The following DNAH7 variants were observed in gnomAD, a reference collection of about 807,000 sequenced individuals.
The protein encoded by DNAH7 is dynein axonemal heavy chain 7.
Under a neutral mutation model 444.6 loss-of-function variants are expected in DNAH7, and 397 were observed. That is an observed-to-expected ratio of 0.89 (90% CI 0.82 to 0.97). DNAH7 has a LOEUF of 0.97. Ranked by LOEUF, DNAH7 falls within the 50% of genes least tolerant of loss-of-function variation. DNAH7 has a pLI of 0.00. For missense variants in DNAH7, 4,902 were observed against 4,800.8 expected (o/e 1.02, Z -0.62); for synonymous variants, 1,636 against 1,624.4 (o/e 1.01, Z -0.17).
At chr2:195,914,756 T>C (rs374082365) in intron 24 of DNAH7, among the ~76,000 whole-genome samples, 1 of 152,202 alleles carries the variant, frequency 6.6e-6, no homozygotes, top group South Asian at 2.1e-4. Flanking sequence ...CTCTGCCTCC[T>C]GAGCTCAAGT....
chr2:195,997,155 A>G (rs1315126558), intron 12 of DNAH7, among the ~76,000 whole-genome samples: 1 of 152,196 alleles, frequency 6.6e-6, no homozygotes, highest in Non-Finnish European at 1.5e-5. Flanking sequence ...TCTAATTTGT[A>G]AAGCCTATAG....
chr2:195,835,483 T>G (rs1258386362), intron 47 of DNAH7, among the ~76,000 whole-genome samples: 1 of 151,798 alleles, frequency 6.6e-6, no homozygotes, highest in African/African-American at 2.4e-5. Flanking sequence ...GGAACGTCAA[T>G]GGATGACTTG....
chr2:195,847,171 G>GAT (rs57714742), intron 46 of DNAH7, among the ~76,000 whole-genome samples: 42 of 142,010 alleles, frequency 3.0e-4, no homozygotes, highest in South Asian at 4.3e-4. Context: ...TATATAAACA[G>GAT]ATATATATAT....
At position 195,960,675 on chromosome 2, in the gene DNAH7, T is replaced by G. The variant is rs201191284; in HGVS notation, c.2476A>C (p.Lys826Gln). Residue 826 changes from lysine (K) to glutamine (Q), a missense_variant, in exon 18 of 65, where the codon AAA (lysine) becomes CAA (glutamine). Lys to Gln is a moderately conservative substitution (Grantham distance 53). Transcript: ENST00000312428. ...DSPYALAMTK[K>Q]VRSKVEDFKQ... ...AAATCTTCCACCTTTGATCTTACTT[T>G]TTTTGTCATTGCCAATGCATATGGA... The G allele has an allele frequency of 1.4e-5, 23 of 1,614,216 alleles. No individual in the cohort carries two copies. In the African/African-American group the frequency reaches 3.1e-4, roughly 22 times the overall value.
chr2:195,846,482 A>G (rs1574550017), intron 46 of DNAH7, among the ~76,000 whole-genome samples: 1 of 152,304 alleles, frequency 6.6e-6, no homozygotes, highest in East Asian at 1.9e-4. Context: ...CTATTATTCA[A>G]CTCAGCAACC....
At chr2:195,923,526 A>G in intron 23 of DNAH7, 69 bp downstream of exon 23, 1 of 1,466,926 alleles carries the variant, frequency 6.8e-7, no homozygotes, top group Non-Finnish European at 9.5e-7. Context: ...CCATGTGAGC[A>G]AGCAAGCACA....
intron 58 of DNAH7, among the ~76,000 whole-genome samples, chr2:195,779,149 T>C (rs992238577): frequency 2.6e-5 from 4 of 152,172 alleles, no homozygotes; most frequent in African/African-American, 9.7e-5. Context: ...AGCCAGACTG[T>C]ACACTTTTTT....
chr2:195,753,702 T>C (rs1255869631), intron 63 of DNAH7, among the ~76,000 whole-genome samples: 8 of 152,350 alleles, frequency 5.3e-5, no homozygotes, highest in East Asian at 1.9e-4. Flanking sequence ...TTATTTAAAA[T>C]CGTGGCCTTG....
chr2:195,883,458 C>T (rs1054235828), intron 35 of DNAH7, among the ~76,000 whole-genome samples: 12 of 148,788 alleles, frequency 8.1e-5, no homozygotes, highest in Admixed American at 2.7e-4. Flanking sequence ...CGCTCCCCCC[C>T]CCCAAAAAAA....
intron 19 of DNAH7, among the ~76,000 whole-genome samples, chr2:195,953,895 A>T (rs758595836): frequency 7.2e-5 from 11 of 152,384 alleles, no homozygotes; most frequent in Non-Finnish European, 1.0e-4. Flanking sequence ...ATGTCATTAG[A>T]CTTCCTAAAA....
At position 195,941,874 on chromosome 2, in the gene DNAH7, G is replaced by A. The variant is rs556433895; in HGVS notation, c.3079-5082C>T. ...TTAACCTAAATCTCAGGGCCCATTT[G>A]CCTAAAATTGAGTTTTCAGAAGTTT... On this transcript the variant is annotated intron_variant, in intron 19 of 64. Coordinates refer to ENST00000312428, the MANE Select transcript of DNAH7 (RefSeq NM_018897.3). Among the ~76,000 whole-genome samples the A allele has an allele frequency of 1.1e-4, 16 of 152,198 alleles. No individual in the cohort carries two copies. In the South Asian group the frequency reaches 2.5e-3, roughly 24 times the overall value.
intron 47 of DNAH7, among the ~76,000 whole-genome samples, chr2:195,835,355 G>A (rs1321924582): frequency 1.5e-5 from 2 of 137,460 alleles, no homozygotes; most frequent in African/African-American, 2.7e-5. Context: ...AGAAGAGCAG[G>A]AGGAGAAAAT....
chr2:195,853,308 A>G, intron 46 of DNAH7, 35 bp downstream of exon 46: 1 of 1,576,774 alleles, frequency 6.3e-7, no homozygotes, highest in Non-Finnish European at 8.6e-7. Flanking sequence ...TGTGATGGGC[A>G]GAGGGTCAGG....
rs550779239 is a variant in DNAH7 at position 195,964,255 on chromosome 2, T to C, written c.2206-3310A>G. Among the ~76,000 whole-genome samples the C allele has an allele frequency of 7.2e-5, 11 of 152,300 alleles. No individual in the cohort carries two copies. The South Asian group carries it at 1.5e-3, about 20-fold the overall frequency. On this transcript the variant is annotated intron_variant, in intron 17 of 64. Coordinates refer to ENST00000312428, the MANE Select transcript of DNAH7 (RefSeq NM_018897.3). ...TTGGGTAGTATGAACATTTTAACAA[T>C]ATTGATTCTTCAAATCCATGAACAT...
intron 58 of DNAH7, 125 bp downstream of exon 58, chr2:195,786,885 G>T: frequency 1.0e-6 from 1 of 975,316 alleles, no homozygotes; most frequent in Non-Finnish European, 1.5e-6. Flanking sequence ...ATAAGCTGTT[G>T]GGAACTACTC....
intron 63 of DNAH7, 45 bp from the exon 64 acceptor site, chr2:195,740,914 T>C: frequency 8.3e-7 from 1 of 1,201,222 alleles, no homozygotes; most frequent in Non-Finnish European, 1.1e-6. Flanking sequence ...GAAATATGCA[T>C]TTTGATTGAG....
intron 17 of DNAH7, among the ~76,000 whole-genome samples, chr2:195,964,056 T>C (rs1293720298): frequency 1.3e-5 from 2 of 152,220 alleles, no homozygotes; most frequent in Non-Finnish European, 2.9e-5. Flanking sequence ...TCCACCAGTT[T>C]TGTTCTTTTT....
chr2:195,741,798 AT>A (rs1313782501), intron 63 of DNAH7, among the ~76,000 whole-genome samples: 1 of 152,174 alleles, frequency 6.6e-6, no homozygotes, highest in African/African-American at 2.4e-5. Context: ...CCAGTAGAAC[AT>A]TTTGCAGTGA....
At chr2:195,769,524 G>C (rs1694740153) in intron 61 of DNAH7, among the ~76,000 whole-genome samples, 1 of 151,956 alleles carries the variant, frequency 6.6e-6, no homozygotes, top group Non-Finnish European at 1.5e-5. Context: ...GATTCACATA[G>C]CATTATTGCC....
Sources: gnomAD v4.1 joint callset for allele counts (sites outside exome capture counted in the v4.1 genomes callset) on GRCh38, gnomAD v4.1.1 for gene constraint, MANE v1.5 for transcripts, NCBI Gene and HGNC (gene_info 2026-07-23, HGNC 2026-07-21) for gene names.